Variants in TLE4 observed in about 807,000 individuals in gnomAD.
The protein encoded by TLE4 is transducin-like enhancer protein 4.
A neutral mutation model predicts 92.8 loss-of-function variants in TLE4; 8 were observed. That is an observed-to-expected ratio of 0.09 (90% confidence interval 0.05 to 0.16). The LOEUF is 0.16. Among genes scored for constraint, TLE4 ranks in the 10% least tolerant of loss-of-function variants. The probability of loss-of-function intolerance (pLI) is 1.00; values close to 1 mark genes in which losing one functional copy is unlikely to be tolerated. For missense variants in TLE4, 675 were observed against 997.6 expected (o/e 0.68, Z 4.36); for synonymous variants, 371 against 374.1 (o/e 0.99, Z 0.10).
At chr9:79,654,354 C>A in intron 8 of TLE4, among the ~76,000 whole-genome samples, 1 of 149,654 alleles carries the variant, frequency 6.7e-6, no homozygotes, top group East Asian at 2.0e-4. Context: ...AAAAAAATAA[C>A]TGCTTTTCTT....
At chr9:79,623,871 G>A (rs750367385) in intron 5 of TLE4, among the ~76,000 whole-genome samples, 4 of 152,038 alleles carry the variant, frequency 2.6e-5, no homozygotes, top group Non-Finnish European at 5.9e-5. Flanking sequence ...TACTGGTGGC[G>A]CATTCAAACA....
intron 8 of TLE4, among the ~76,000 whole-genome samples, chr9:79,668,163 CATT>C (rs1477827534): frequency 2.6e-5 from 4 of 152,308 alleles, no homozygotes; most frequent in African/African-American, 7.2e-5. Context: ...CTTTTGTTGA[CATT>C]GTTGTTAATG....
chr9:79,598,667 G>A (rs950626420), intron 4 of TLE4, among the ~76,000 whole-genome samples: 1 of 152,130 alleles, frequency 6.6e-6, no homozygotes, highest in African/African-American at 2.4e-5. Context: ...ATATGGCAGA[G>A]TAGCAGACAA....
Position 79,572,734 on chromosome 9 carries a change from C to G in TLE4, c.-57C>G. ...GCCGCGGCCGCCTCCTCTTCGGGGT[C>G]ATTAAAGCCAATGAGCCGCGCGCCT... On this transcript the variant is annotated 5_prime_UTR_variant, in exon 1 of 20. An upstream open reading frame in the 5' UTR gains an earlier in-frame stop. Transcript: ENST00000376552. The G allele has an allele frequency of 2.5e-6, 4 of 1,574,526 alleles. No individual in the cohort carries two copies. The highest frequency in any genetic ancestry group is 1.4e-5 in the African/African-American group (1 of 71,504).
intron 8 of TLE4, among the ~76,000 whole-genome samples, chr9:79,687,485 T>C (rs2066131942): frequency 6.6e-6 from 1 of 152,224 alleles, no homozygotes; most frequent in Non-Finnish European, 1.5e-5. Flanking sequence ...TTTGTAACAT[T>C]CTTTTTTCCT....
intron 5 of TLE4, among the ~76,000 whole-genome samples, chr9:79,620,569 C>T (rs775504263): frequency 4.6e-5 from 7 of 152,214 alleles, no homozygotes; most frequent in Non-Finnish European, 8.8e-5. Context: ...CTTATTTACT[C>T]TCTCTAAGCT....
At chr9:79,615,578 C>T (rs2049357567) in intron 5 of TLE4, among the ~76,000 whole-genome samples, 1 of 151,932 alleles carries the variant, frequency 6.6e-6, no homozygotes, top group Non-Finnish European at 1.5e-5. Flanking sequence ...ATTTAGCCCC[C>T]ATGTGTTGAT....
At chr9:79,641,595 T>C (rs1212379225) in intron 6 of TLE4, among the ~76,000 whole-genome samples, 1 of 152,162 alleles carries the variant, frequency 6.6e-6, no homozygotes, top group African/African-American at 2.4e-5. Flanking sequence ...CTCAACTGCT[T>C]TTCTCTTGCT....
chr9:79,662,722 G>T (rs1218307847), intron 8 of TLE4, among the ~76,000 whole-genome samples: 1 of 152,082 alleles, frequency 6.6e-6, no homozygotes, highest in Admixed American at 6.5e-5. Flanking sequence ...CCTATTAAGG[G>T]GCCCCGGGTT....
intron 6 of TLE4, among the ~76,000 whole-genome samples, chr9:79,631,508 T>A (rs1161345460): frequency 1.3e-5 from 2 of 152,136 alleles, no homozygotes; most frequent in Non-Finnish European, 2.9e-5. Flanking sequence ...TGACTTTGCC[T>A]TTACCATCCT....
intron 8 of TLE4, among the ~76,000 whole-genome samples, chr9:79,666,238 T>TGAGAAGGAGTCTCCCTATG (rs2061398961): frequency 7.1e-6 from 1 of 141,616 alleles, no homozygotes; most frequent in Non-Finnish European, 1.5e-5. Context: ...TTTTTTTTTT[T>TGAGAAGGAGTCTCCCTATG]TGAGAAGGAG....
At chr9:79,685,399 A>G (rs1000266155) in intron 8 of TLE4, among the ~76,000 whole-genome samples, 1 of 152,162 alleles carries the variant, frequency 6.6e-6, no homozygotes, top group African/African-American at 2.4e-5. Context: ...GGTATTTAAA[A>G]ACCCCTCACA....
intron 4 of TLE4, among the ~76,000 whole-genome samples, chr9:79,595,618 A>G (rs2043760286): frequency 6.6e-6 from 1 of 152,164 alleles, no homozygotes; most frequent in South Asian, 2.1e-4. Flanking sequence ...ATAAAAAAGT[A>G]AATTTAAAGG....
At chr9:79,605,701 G>C (rs1360706518) in intron 4 of TLE4, among the ~76,000 whole-genome samples, 1 of 152,074 alleles carries the variant, frequency 6.6e-6, no homozygotes, top group Non-Finnish European at 1.5e-5. Context: ...ACTTTGTTCT[G>C]CTTATTCCCA....
chr9:79,671,127 C>T (rs527314863), intron 8 of TLE4: 1 of 386,912 alleles, frequency 2.6e-6, no homozygotes, highest in East Asian at 7.4e-5. Context: ...CTGATCCTAG[C>T]ACATATTTAA....
At chr9:79,610,301 C>G (rs900902003) in intron 4 of TLE4, among the ~76,000 whole-genome samples, 1 of 152,016 alleles carries the variant, frequency 6.6e-6, no homozygotes, top group African/African-American at 2.4e-5. Flanking sequence ...TTGGGCCCCA[C>G]GCCATTATAT....
chr9:79,677,688 T>A (rs1020872351), intron 8 of TLE4, among the ~76,000 whole-genome samples: 2 of 151,790 alleles, frequency 1.3e-5, no homozygotes. Flanking sequence ...TTTTCTTTTG[T>A]GGAAACAAAC....
At chr9:79,722,888 T>C in intron 18 of TLE4, 71 bp from the exon 19 acceptor site, 1 of 1,406,394 alleles carries the variant, frequency 7.1e-7, no homozygotes, top group Non-Finnish European at 9.9e-7. Context: ...AGTTTGGTGT[T>C]CTATAAAGCA....
At chr9:79,671,847 A>G (rs1350255175) in intron 8 of TLE4, among the ~76,000 whole-genome samples, 1 of 151,360 alleles carries the variant, frequency 6.6e-6, no homozygotes, top group African/African-American at 2.4e-5. Flanking sequence ...TCCCACCCCT[A>G]CTCAAGACAT....
Sources: gnomAD v4.1 joint callset for allele counts (sites outside exome capture counted in the v4.1 genomes callset) on GRCh38, gnomAD v4.1.1 for gene constraint, MANE v1.5 for transcripts, NCBI Gene and HGNC (gene_info 2026-07-23, HGNC 2026-07-21) for gene names.